The following ANK3 variants were observed in gnomAD, a reference collection of about 807,000 sequenced individuals.
ANK3 encodes the protein ankyrin-3.
Under a neutral mutation model 370.9 loss-of-function variants are expected in ANK3, and 57 were observed. That is an observed-to-expected ratio of 0.15 (90% CI 0.12 to 0.19). The LOEUF is 0.19. ANK3 is among the 10% of genes least tolerant of loss of function. The pLI is 1.00. For synonymous variants in ANK3, 1,929 were observed against 1,946.3 expected, an observed-to-expected ratio of 0.99 and a Z score of 0.23; for missense variants, 4,439 against 5,302.1, an observed-to-expected ratio of 0.84 and a Z score of 5.06.
intron 1 of ANK3, among the ~76,000 whole-genome samples, chr10:60,333,163 T>C (rs2051809879): frequency 6.6e-6 from 1 of 152,164 alleles, no homozygotes; most frequent in Non-Finnish European, 1.5e-5. Context: ...TTTTTATTAT[T>C]ATTATACTTT....
intron 1 of ANK3, among the ~76,000 whole-genome samples, chr10:60,621,454 A>G (rs2078335962): frequency 1.3e-5 from 2 of 152,306 alleles, no homozygotes; most frequent in African/African-American, 4.8e-5. Context: ...AAATGAACTG[A>G]GATGATTCTC....
Position 60,279,231 on chromosome 10 carries a change from A to G in ANK3, c.217-83T>C, listed in dbSNP as rs1427636833. ...ACCGACCAAGAACTCCTGAGATATTATAAAGTCCCACCTGATGATCACTTG... is the reference window on the plus strand; with the variant it reads ...ACCGACCAAGAACTCCTGAGATATTGTAAAGTCCCACCTGATGATCACTTG... On this transcript the variant is annotated intron_variant, in intron 2 of 43. Transcript: ENST00000280772. 7.6e-6 allele frequency: 9 copies of G among 1,185,608 alleles called. No homozygotes were observed. In the Admixed American group the frequency reaches 1.6e-4, roughly 21 times the overall value. 73.4% of individuals were successfully genotyped at this position (1,185,608 alleles called of 1,614,324 possible). A position where few individuals can be genotyped will look rare whatever the true frequency, so the allele number is the denominator to read the frequency against.
At chr10:60,695,520 A>G (rs2079433747) in intron 1 of ANK3, among the ~76,000 whole-genome samples, 1 of 152,182 alleles carries the variant, frequency 6.6e-6, no homozygotes, top group Non-Finnish European at 1.5e-5. Context: ...TCCTCAGCAA[A>G]TGTAAAAGAA....
At chr10:60,205,411 T>C (rs2096746896) in intron 11 of ANK3, among the ~76,000 whole-genome samples, 2 of 152,182 alleles carry the variant, frequency 1.3e-5, no homozygotes, top group South Asian at 4.1e-4. Context: ...AGACCAGTAG[T>C]ACTATCCAGT....
chr10:60,316,332 A>T (rs1170589429), intron 1 of ANK3, among the ~76,000 whole-genome samples: 1 of 152,160 alleles, frequency 6.6e-6, no homozygotes, highest in East Asian at 1.9e-4. Context: ...AAAAGCAGGA[A>T]GTCTCATGGT....
chr10:60,492,343 T>C (rs1252086934), intron 2 of ANK3, among the ~76,000 whole-genome samples: 1 of 152,052 alleles, frequency 6.6e-6, no homozygotes, highest in Non-Finnish European at 1.5e-5. Context: ...TGTGAGGTCT[T>C]TAAAAGGGGA....
chr10:60,389,672 T>G lies in ANK3; in HGVS notation c.-134A>C, dbSNP rs1337429472. ...AGCTTTGACTAGAAGCAGGAAGATATTCACAATGCAAAGATGCTGGAGAAG... is the reference window on the plus strand; with the variant it reads ...AGCTTTGACTAGAAGCAGGAAGATAGTCACAATGCAAAGATGCTGGAGAAG... On this transcript the variant is annotated 5_prime_UTR_variant, in exon 1 of 44. Coordinates refer to ENST00000280772, the MANE Select transcript of ANK3 (RefSeq NM_020987.5). 2.7e-6 allele frequency: 4 copies of G among 1,471,272 alleles called. No individual in the cohort carries two copies. Among genetic ancestry groups the G allele is most frequent in the African/African-American group, 2.8e-5 (2 of 70,516 alleles). The allele number at this position is 1,471,272 out of a possible 1,614,324, so 91.1% of individuals were successfully genotyped here.
At chr10:60,469,677 A>G (rs1231594290) in intron 2 of ANK3, among the ~76,000 whole-genome samples, 1 of 86,442 alleles carries the variant, frequency 1.2e-5, no homozygotes, top group Non-Finnish European at 2.3e-5. Context: ...ATATATATAT[A>G]TATGGTGGTA....
chr10:60,477,315 G>A (rs367558068), intron 2 of ANK3, among the ~76,000 whole-genome samples: 5 of 152,076 alleles, frequency 3.3e-5, no homozygotes, highest in African/African-American at 1.2e-4. Context: ...TTCTCAACTG[G>A]AACAAGATCT....
At chr10:60,648,647 G>C (rs1195353239) in intron 1 of ANK3, among the ~76,000 whole-genome samples, 1 of 150,968 alleles carries the variant, frequency 6.6e-6, no homozygotes, top group Non-Finnish European at 1.5e-5. Flanking sequence ...GCGTGTGCCT[G>C]TAGTCCCAGC....
intron 1 of ANK3, among the ~76,000 whole-genome samples, chr10:60,365,450 T>C (rs1037155119): frequency 6.6e-6 from 1 of 152,172 alleles, no homozygotes; most frequent in Non-Finnish European, 1.5e-5. Flanking sequence ...AATCTGCTCT[T>C]AAAAGGGAAA....
In ANK3 at chr10:60,235,476, T is replaced by C. The variant is rs139711503; in HGVS notation, c.799-690A>G. On this transcript the variant is annotated intron_variant, in intron 7 of 43. Transcript: ENST00000280772. ...ATAGTTATTCTTCTCTCCAAGCATC[T>C]TACAGGCGCTATGATTATTTCCAGA... Among the ~76,000 whole-genome samples, 10 of 152,144 alleles carry C rather than the reference T, an allele frequency of 6.6e-5. No homozygotes were observed. In the East Asian group the frequency reaches 1.7e-3, roughly 26 times the overall value.
chr10:60,423,775 T>C (rs1595001097), intron 2 of ANK3, among the ~76,000 whole-genome samples: 1 of 152,046 alleles, frequency 6.6e-6, no homozygotes, highest in South Asian at 2.1e-4. Flanking sequence ...CCAATAAATG[T>C]ATGAAAACCC....
intron 2 of ANK3, among the ~76,000 whole-genome samples, chr10:60,548,092 C>T (rs76847929): frequency 0.024 from 3,569 of 151,814 alleles, 76 homozygotes; most frequent in Middle Eastern, 0.051. Flanking sequence ...TATTTGAAAA[C>T]GTTCACAGAG....
At chr10:60,285,761 C>T (rs1482579898) in intron 1 of ANK3, among the ~76,000 whole-genome samples, 9 of 152,160 alleles carry the variant, frequency 5.9e-5, no homozygotes, top group South Asian at 2.1e-4. Context: ...CACTCAACAA[C>T]AGCAAAAACA....
intron 2 of ANK3, among the ~76,000 whole-genome samples, chr10:60,486,384 G>A (rs2075347889): frequency 6.6e-6 from 1 of 152,162 alleles, no homozygotes; most frequent in Non-Finnish European, 1.5e-5. Context: ...TTCAAGACCA[G>A]CCTGGCCAAC....
At chr10:60,366,593 G>T (rs958698412) in intron 1 of ANK3, among the ~76,000 whole-genome samples, 2 of 151,442 alleles carry the variant, frequency 1.3e-5, no homozygotes, top group African/African-American at 4.9e-5. Context: ...ATTGAAGGAA[G>T]AAAGAAGGGG....
intron 42 of ANK3, chr10:60,043,510 G>A: frequency 6.1e-6 from 6 of 985,392 alleles, no homozygotes; most frequent in Non-Finnish European, 7.2e-6. Flanking sequence ...TTGACTGGAG[G>A]GATTCTTTAA....
chr10:60,095,942 G>A (rs2090031405), intron 28 of ANK3, among the ~76,000 whole-genome samples: 2 of 152,136 alleles, frequency 1.3e-5, no homozygotes, highest in Admixed American at 6.6e-5. Flanking sequence ...GGAAGGCTGG[G>A]GTGGGTGGAT....
Sources: allele counts gnomAD v4.1 joint callset (sites outside exome capture counted in the v4.1 genomes callset), GRCh38; gene constraint gnomAD v4.1.1; transcripts MANE v1.5; gene names NCBI Gene and HGNC (gene_info 2026-07-23, HGNC 2026-07-21).